Variants in PDE3B observed in about 807,000 individuals in gnomAD.
PDE3B encodes cGMP-inhibited 3',5'-cyclic phosphodiesterase 3B.
Under a neutral mutation model 116.8 loss-of-function variants are expected in PDE3B, and 66 were observed. The ratio of observed to expected loss-of-function variants is 0.56; its 90% CI spans 0.46 to 0.69. The LOEUF (loss-of-function observed/expected upper bound fraction) is 0.69. Among genes scored for constraint, PDE3B ranks in the 30% least tolerant of loss-of-function variants. The pLI, the probability that PDE3B is intolerant of heterozygous loss-of-function variation, is 0.00. For synonymous variants in PDE3B, 595 were observed against 533.6 expected, an observed-to-expected ratio of 1.12 and a Z score of -1.59; for missense variants, 1,384 against 1,368.1, an observed-to-expected ratio of 1.01 and a Z score of -0.18.
intron 1 of PDE3B, among the ~76,000 whole-genome samples, chr11:14,657,530 T>C (rs1293472794): frequency 6.6e-6 from 1 of 152,188 alleles, no homozygotes; most frequent in Non-Finnish European, 1.5e-5. Flanking sequence ...AAAATATTTT[T>C]CTTTACGGGA....
intron 1 of PDE3B, among the ~76,000 whole-genome samples, chr11:14,721,205 C>T (rs1297941683): frequency 6.6e-6 from 1 of 152,088 alleles, no homozygotes; most frequent in Non-Finnish European, 1.5e-5. Flanking sequence ...CAGAGAAATG[C>T]AAATCAAAAC....
chr11:14,850,090 A>C (rs908144834), intron 12 of PDE3B, among the ~76,000 whole-genome samples: 2 of 152,206 alleles, frequency 1.3e-5, no homozygotes, highest in Non-Finnish European at 2.9e-5. Context: ...AACCGACCCA[A>C]ATGTCCAACA....
At chr11:14,746,340 G>A (rs1012337030) in intron 1 of PDE3B, among the ~76,000 whole-genome samples, 3 of 152,072 alleles carry the variant, frequency 2.0e-5, no homozygotes, top group Non-Finnish European at 4.4e-5. Flanking sequence ...AGCCGAGATC[G>A]CACCAGTGCA....
At chr11:14,767,454 G>T (rs889314420) in intron 1 of PDE3B, among the ~76,000 whole-genome samples, 1 of 151,316 alleles carries the variant, frequency 6.6e-6, no homozygotes, top group Non-Finnish European at 1.5e-5. Flanking sequence ...CATTTATTCC[G>T]AGCTATTTAT....
intron 1 of PDE3B, among the ~76,000 whole-genome samples, chr11:14,765,496 G>A (rs1189567250): frequency 1.3e-5 from 2 of 151,790 alleles, no homozygotes; most frequent in Non-Finnish European, 2.9e-5. Context: ...AAAAATGAAT[G>A]TAAATAAAGG....
chr11:14,749,854 T>A (rs1470669800), intron 1 of PDE3B, among the ~76,000 whole-genome samples: 1 of 128,182 alleles, frequency 7.8e-6, no homozygotes, highest in African/African-American at 2.8e-5. Context: ...TTTATTTATA[T>A]ATATTTAAAA....
At chr11:14,721,372 C>G (rs1048160661) in intron 1 of PDE3B, among the ~76,000 whole-genome samples, 3 of 151,436 alleles carry the variant, frequency 2.0e-5, no homozygotes, top group African/African-American at 7.3e-5. Flanking sequence ...GTGGCGATTC[C>G]TCAGGGATCT....
At chr11:14,780,276 G>T (rs1000504553) in intron 2 of PDE3B, among the ~76,000 whole-genome samples, 1 of 152,124 alleles carries the variant, frequency 6.6e-6, no homozygotes, top group African/African-American at 2.4e-5. Context: ...AGTTCACAAG[G>T]ATATCCAAGA....
chr11:14,708,439 T>C (rs1332384667), intron 1 of PDE3B, among the ~76,000 whole-genome samples: 1 of 152,104 alleles, frequency 6.6e-6, no homozygotes, highest in Non-Finnish European at 1.5e-5. Context: ...ATTGGCTAAG[T>C]CCTATTATAA....
At chr11:14,800,072 G>T (rs1858700977) in intron 4 of PDE3B, among the ~76,000 whole-genome samples, 2 of 152,140 alleles carry the variant, frequency 1.3e-5, no homozygotes, top group African/African-American at 2.4e-5. Context: ...GGTACTGGTT[G>T]TTCCTTTCCA....
intron 1 of PDE3B, among the ~76,000 whole-genome samples, chr11:14,662,823 T>G (rs1454852230): frequency 6.6e-6 from 1 of 152,200 alleles, no homozygotes; most frequent in African/African-American, 2.4e-5. Flanking sequence ...AGACCAAATC[T>G]GCGTCTGATT....
chr11:14,805,333 T>C (rs1858886819), intron 5 of PDE3B, among the ~76,000 whole-genome samples: 1 of 152,208 alleles, frequency 6.6e-6, no homozygotes, highest in South Asian at 2.1e-4. Context: ...CAATGGCATA[T>C]TTGAAAAAGT....
chr11:14,882,262 C>A, the PDE3B span, among the ~76,000 whole-genome samples: 24 of 152,084 alleles, frequency 1.6e-4, no homozygotes, highest in African/African-American at 5.5e-4. Flanking sequence ...GAAAGACAGA[C>A]AAAACAACAA....
At chr11:14,742,164 G>A (rs974887722) in intron 1 of PDE3B, among the ~76,000 whole-genome samples, 3 of 152,148 alleles carry the variant, frequency 2.0e-5, no homozygotes, top group Non-Finnish European at 1.5e-5. Flanking sequence ...AGTTCTCCTG[G>A]ATAATATCCT....
chr11:14,837,409 A>G (rs1860089185), intron 11 of PDE3B, among the ~76,000 whole-genome samples: 1 of 152,130 alleles, frequency 6.6e-6, no homozygotes, highest in South Asian at 2.1e-4. Flanking sequence ...TACACCTTCA[A>G]TGCTTTGCTT....
Position 14,643,985 on chromosome 11 carries a change from C to G in PDE3B, c.-91C>G. 1 of 1,376,888 alleles carries G rather than the reference C, an allele frequency of 7.3e-7. No individual in the cohort carries two copies. Among genetic ancestry groups the G allele is most frequent in the Non-Finnish European group, 9.3e-7 (1 of 1,073,224 alleles). The allele number at this position is 1,376,888 out of a possible 1,614,324, so 85.3% of individuals were successfully genotyped here. ...GACGGGTTGCGAACCAGGGGGCGCCCCGAACGCGGGGGTTGGGGTCTGGGA... is the reference window on the plus strand; with the variant it reads ...GACGGGTTGCGAACCAGGGGGCGCCGCGAACGCGGGGGTTGGGGTCTGGGA... On this transcript the variant is annotated 5_prime_UTR_variant, in exon 1 of 16. Coordinates refer to ENST00000282096, the MANE Select transcript of PDE3B (RefSeq NM_000922.4).
At chr11:14,857,007 C>G (rs1330357151) in intron 12 of PDE3B, among the ~76,000 whole-genome samples, 1 of 152,138 alleles carries the variant, frequency 6.6e-6, no homozygotes, top group Non-Finnish European at 1.5e-5. Context: ...CTTCTTATGT[C>G]TGAAGGGTTT....
rs528356444 is a variant in PDE3B, at chr11:14,728,732, G to A, written c.979-43205G>A. Among the ~76,000 whole-genome samples the A allele has an allele frequency of 1.5e-4, 23 of 152,140 alleles. 1 individual carries two copies. Among genetic ancestry groups the A allele is most frequent in the Admixed American group, 1.4e-3 (22 of 15,268 alleles). ...AAACAGGTAATTATTCTATGTCATA[G>A]CAGAATTCTTGATAGAATTATGATA... On this transcript the variant is annotated intron_variant, in intron 1 of 15. Transcript: ENST00000282096.
intron 1 of PDE3B, among the ~76,000 whole-genome samples, chr11:14,654,055 A>G (rs972358599): frequency 6.6e-6 from 1 of 152,094 alleles, no homozygotes; most frequent in African/African-American, 2.4e-5. Context: ...AGGTCAGAAG[A>G]GTTGGAGAAT....
Sources: allele counts gnomAD v4.1 joint callset (sites outside exome capture counted in the v4.1 genomes callset), GRCh38; gene constraint gnomAD v4.1.1; transcripts MANE v1.5; gene names NCBI Gene and HGNC (gene_info 2026-07-23, HGNC 2026-07-21).